The following WWC1 variants were observed in gnomAD, a reference collection of about 807,000 sequenced individuals.
WWC1 encodes protein KIBRA.
A neutral mutation model predicts 138.4 loss-of-function variants in WWC1; 55 were observed. That is an observed-to-expected ratio of 0.40 (90% CI 0.32 to 0.50). The LOEUF (loss-of-function observed/expected upper bound fraction) is 0.50. WWC1 is among the 20% of genes least tolerant of loss of function. The probability of loss-of-function intolerance (pLI) is 0.72; values close to 1 mark genes in which losing one functional copy is unlikely to be tolerated. For synonymous variants in WWC1, 524 were observed against 564.9 expected (o/e 0.93, Z 1.03); for missense variants, 1,226 against 1,420.4 (o/e 0.86, Z 2.20).
At chr5:168,461,407 G>T (rs1200035974) in intron 20 of WWC1, among the ~76,000 whole-genome samples, 1 of 152,244 alleles carries the variant, frequency 6.6e-6, no homozygotes. Flanking sequence ...TCTTCCTCAT[G>T]CAAGACTCTG....
chr5:168,427,072 G>A (rs1026510757), intron 11 of WWC1, among the ~76,000 whole-genome samples: 3 of 152,206 alleles, frequency 2.0e-5, no homozygotes, highest in Non-Finnish European at 2.9e-5. Context: ...AGTGGAAAGG[G>A]ATAGGCAGTG....
chr5:168,327,131 C>T (rs1373118268), intron 1 of WWC1, among the ~76,000 whole-genome samples: 2 of 152,196 alleles, frequency 1.3e-5, no homozygotes, highest in East Asian at 3.9e-4. Flanking sequence ...TTTTCTTCCA[C>T]AGGGCTTTCC....
At chr5:168,327,344 T>C (rs1191987755) in intron 1 of WWC1, among the ~76,000 whole-genome samples, 2 of 152,216 alleles carry the variant, frequency 1.3e-5, no homozygotes, top group Non-Finnish European at 2.9e-5. Context: ...GACATGTATG[T>C]CTCATGCTGA....
intron 7 of WWC1, among the ~76,000 whole-genome samples, chr5:168,409,275 A>ATATG (rs1780041581): frequency 3.3e-5 from 5 of 152,158 alleles, no homozygotes; most frequent in Admixed American, 3.3e-4. Flanking sequence ...GACAGCCTCT[A>ATATG]TATGCTGTTC....
intron 1 of WWC1, among the ~76,000 whole-genome samples, chr5:168,334,503 C>T (rs1392992817): frequency 2.0e-5 from 3 of 152,176 alleles, no homozygotes; most frequent in African/African-American, 7.2e-5. Flanking sequence ...ATCACACTCA[C>T]TTGGGAAGCC....
intron 17 of WWC1, among the ~76,000 whole-genome samples, chr5:168,446,008 C>CAA: frequency 6.6e-6 from 1 of 152,114 alleles, no homozygotes; most frequent in Non-Finnish European, 1.5e-5. Context: ...AGCTTAGCCA[C>CAA]TTAGCCTGCC....
In WWC1 at chr5:168,466,281, G is replaced by T. The variant is rs181433698; in HGVS notation, c.3150+1319G>T. Among the ~76,000 whole-genome samples, 8 of 152,110 alleles carry T rather than the reference G, an allele frequency of 5.3e-5. No individual in the cohort carries two copies. The East Asian group carries it at 1.5e-3, about 29-fold the overall frequency. On this transcript the variant is annotated intron_variant, in intron 21 of 22. Coordinates refer to ENST00000265293, the MANE Select transcript of WWC1 (RefSeq NM_015238.3). ...TGCCATGAAGAAATAAACAATATGG[G>T]ACCAATATGCAAGGGCCAATATAGG...
chr5:168,324,734 A>C (rs1168418551), intron 1 of WWC1, among the ~76,000 whole-genome samples: 1 of 152,228 alleles, frequency 6.6e-6, no homozygotes, highest in Non-Finnish European at 1.5e-5. Flanking sequence ...AAACACTTTA[A>C]TTAAAAAGTA....
chr5:168,362,151 AT>A (rs1281513742), intron 1 of WWC1, among the ~76,000 whole-genome samples: 75 of 152,116 alleles, frequency 4.9e-4, no homozygotes, highest in African/African-American at 1.7e-3. Flanking sequence ...CTGTGTACTC[AT>A]GTGCTGTTTC....
In WWC1 at chr5:168,408,616, A is replaced by G. The variant is rs201681035; in HGVS notation, c.830A>G (p.Tyr277Cys). 7.4e-6 allele frequency: 12 copies of G among 1,614,178 alleles called. No individual in the cohort carries two copies. The highest frequency in any genetic ancestry group is 1.0e-5 in the Non-Finnish European group (12 of 1,180,008). The change falls in exon 7 of 23, where the codon TAC (tyrosine) becomes TGC (cysteine). Residue 277 changes from tyrosine to cysteine, a missense_variant. Physicochemically the swap from Tyr to Cys is radical, Grantham distance 194. Transcript: ENST00000265293. ...TCGAGTTTCCCGCTACCGAAACAGTACCTGGATGTGAGCTCCCAGACAGAC... is the reference window on the plus strand; with the variant it reads ...TCGAGTTTCCCGCTACCGAAACAGTGCCTGGATGTGAGCTCCCAGACAGAC... ...ESSSFPLPKQYLDVSSQTDIS... is the reference protein window; with the variant it reads ...ESSSFPLPKQCLDVSSQTDIS...
chr5:168,443,064 C>T (rs1007325266), intron 16 of WWC1, among the ~76,000 whole-genome samples: 10 of 107,388 alleles, frequency 9.3e-5, no homozygotes, highest in African/African-American at 4.0e-4. Context: ...TATGGGATCC[C>T]GACCACATCA....
intron 6 of WWC1, among the ~76,000 whole-genome samples, chr5:168,408,027 TA>T (rs1779936488): frequency 2.5e-5 from 3 of 118,462 alleles, no homozygotes; most frequent in Middle Eastern, 8.4e-3. Context: ...CACATCCAGC[TA>T]TTTTTTTTTT....
intron 11 of WWC1, among the ~76,000 whole-genome samples, chr5:168,426,416 T>A (rs1781502899): frequency 6.6e-6 from 1 of 152,056 alleles, no homozygotes; most frequent in East Asian, 1.9e-4. Flanking sequence ...CCTAACAGTG[T>A]CTTTGGGGCT....
At chr5:168,464,998 T>C (rs1395784928) in intron 21 of WWC1, 36 bp downstream of exon 21, 1 of 1,608,434 alleles carries the variant, frequency 6.2e-7, no homozygotes, top group Non-Finnish European at 8.5e-7. Flanking sequence ...AGCCCTGCGC[T>C]CTGCCCCAGA....
intron 1 of WWC1, among the ~76,000 whole-genome samples, chr5:168,350,849 C>G (rs1198961553): frequency 6.6e-6 from 1 of 152,060 alleles, no homozygotes; most frequent in Admixed American, 6.6e-5. Context: ...ATGATGTTAC[C>G]AATTCCCAGC....
At position 168,469,893 on chromosome 5, in the gene WWC1, T is replaced by G. The variant is rs1049876326; in HGVS notation, c.*876T>G. 1 of 152,224 alleles carries G rather than the reference T, an allele frequency of 6.6e-6. No homozygotes were observed. The highest frequency in any genetic ancestry group is 2.4e-5 in the African/African-American group (1 of 41,460). 9.4% of individuals were successfully genotyped at this position (152,224 alleles called of 1,614,324 possible). A position where few individuals can be genotyped will look rare whatever the true frequency, so the allele number is the denominator to read the frequency against. On this transcript the variant is annotated 3_prime_UTR_variant, in exon 23 of 23. Transcript: ENST00000265293. ...AACATTTATTTTTTCTTTTGCCCAC[T>G]GTTTTCATTTGCTCATTAAATTAAA...
At chr5:168,374,792 A>G (rs1777046431) in intron 2 of WWC1, among the ~76,000 whole-genome samples, 1 of 152,204 alleles carries the variant, frequency 6.6e-6, no homozygotes, top group African/African-American at 2.4e-5. Flanking sequence ...TGAGCGACAA[A>G]TGCCACAGTC....
intron 17 of WWC1, among the ~76,000 whole-genome samples, chr5:168,445,701 CAAAAAAAAAAAAA>C (rs763044458): frequency 1.9e-3 from 97 of 50,688 alleles, no homozygotes; most frequent in African/African-American, 6.6e-3. Flanking sequence ...GACTCTGTCT[CAAAAAAAAAAAAA>C]AAAAAAAAAA....
chr5:168,357,689 A>G (rs142068974), intron 1 of WWC1, among the ~76,000 whole-genome samples: 63 of 152,164 alleles, frequency 4.1e-4, no homozygotes, highest in African/African-American at 1.3e-3. Context: ...TTAATTGCTT[A>G]TTTGTTTCAC....
Sources: allele counts gnomAD v4.1 joint callset (sites outside exome capture counted in the v4.1 genomes callset), GRCh38; gene constraint gnomAD v4.1.1; transcripts MANE v1.5; gene names NCBI Gene and HGNC (gene_info 2026-07-23, HGNC 2026-07-21).